The following ABCG5 variants were observed in gnomAD, a reference collection of about 807,000 sequenced individuals.
The protein encoded by ABCG5 is ATP binding cassette subfamily G member 5, also known as ATP-binding cassette sub-family G member 5.
ABCG5 carries 64 observed loss-of-function variants against 64.5 expected under a neutral mutation model. The observed-to-expected ratio is 0.99, with a 90% CI of 0.81 to 1.22. ABCG5 has a LOEUF of 1.22. ABCG5 is among the 50% of genes most tolerant of loss of function. ABCG5 has a pLI of 0.00. For missense variants in ABCG5, 908 were observed against 829.5 expected (o/e 1.09, Z -1.16); for synonymous variants, 385 against 326.3 (o/e 1.18, Z -1.94).
chr2:43,832,348 C>T (rs763940783), intron 2 of ABCG5: 9 of 578,258 alleles, frequency 1.6e-5, no homozygotes, highest in East Asian at 5.7e-5. Flanking sequence ...GGGTCAAGAC[C>T]GAACGTGCTT....
intron 10 of ABCG5, among the ~76,000 whole-genome samples, chr2:43,820,842 T>A (rs531838814): frequency 7.9e-5 from 12 of 152,192 alleles, no homozygotes; most frequent in African/African-American, 2.9e-4. Context: ...TTAGTAGAGA[T>A]GGGGTTTTGC....
At chr2:43,825,261 C>A (rs773160445) in intron 6 of ABCG5, among the ~76,000 whole-genome samples, 12 of 152,176 alleles carry the variant, frequency 7.9e-5, no homozygotes, top group Non-Finnish European at 1.3e-4. Context: ...GTGGGTCATG[C>A]TGCCTCCCAT....
At chr2:43,832,791 G>GGGAT (rs1206411437) in intron 2 of ABCG5, 1 of 153,404 alleles carries the variant, frequency 6.5e-6, no homozygotes, top group East Asian at 1.9e-4. Flanking sequence ...AGGTGACTGG[G>GGGAT]GGATGATGCT....
At chr2:43,809,346 C>A (rs548254685), downstream of ABCG5, among the ~76,000 whole-genome samples, 103 of 152,200 alleles carry the variant, frequency 6.8e-4, 4 homozygotes, top group South Asian at 0.021. Context: ...TTGATTAGAG[C>A]TGAACAGCAA....
chr2:43,826,465 T>C lies in ABCG5; in HGVS notation c.691A>G (p.Ile231Val). The C allele has an allele frequency of 6.2e-7, 1 of 1,614,044 alleles. No homozygotes were observed. Reference protein sequence around the residue: ...TGLDCMTANQIVVLLVELARR... With the variant: ...TGLDCMTANQVVVLLVELARR... ...GCCAGTTCCACCAGGAGGACGACAA[T>C]CTGATTAGCAGTCATGCAGTCCAGG... Residue 231 changes from isoleucine to valine, a missense_variant, in exon 6 of 13, where the codon ATT becomes GTT. Coordinates refer to ENST00000405322, the MANE Select transcript of ABCG5 (RefSeq NM_022436.3).
At chr2:43,814,752 C>A (rs1470647504) in intron 11 of ABCG5, among the ~76,000 whole-genome samples, 163 bp from the exon 12 acceptor site, 1 of 152,080 alleles carries the variant, frequency 6.6e-6, no homozygotes. Flanking sequence ...CAACATTGAA[C>A]AATATAAAGA....
In ABCG5 at chr2:43,838,479, G is replaced by A; in HGVS notation, c.143+58C>T. The A allele has an allele frequency of 6.7e-7, 1 of 1,501,512 alleles. No individual in the cohort carries two copies. The highest frequency in any genetic ancestry group is 9.1e-7 in the Non-Finnish European group (1 of 1,101,768). 93.0% of individuals were successfully genotyped at this position (1,501,512 alleles called of 1,614,324 possible). On this transcript the variant is annotated intron_variant, in intron 1 of 12. Transcript: ENST00000405322. The surrounding 1 kb of genome is among the most constrained non-coding windows in gnomAD (Gnocchi z 4.2). ...AAAGAGTGAAGAAAGGCAGCAGAGG[G>A]GTGAGCGCCGGGCCCCGCACTCCTG...
At chr2:43,824,745 C>T (rs936730901) in intron 7 of ABCG5, 144 bp downstream of exon 7, 23 of 1,445,098 alleles carry the variant, frequency 1.6e-5, no homozygotes, top group East Asian at 5.0e-5. Flanking sequence ...TTCATTGACC[C>T]GGCCAAATTG....
At chr2:43,826,954 A>G (rs1392157437) in intron 5 of ABCG5, among the ~76,000 whole-genome samples, 1 of 152,200 alleles carries the variant, frequency 6.6e-6, no homozygotes, top group Non-Finnish European at 1.5e-5. Flanking sequence ...AAAAAATCTG[A>G]CGAATAAAAC....
chr2:43,827,950 C>G, intron 5 of ABCG5, 33 bp downstream of exon 5: 1 of 1,612,996 alleles, frequency 6.2e-7, no homozygotes, highest in Non-Finnish European at 8.5e-7. Flanking sequence ...GATGCCCAGA[C>G]AGCAGCTAGT....
downstream of ABCG5, among the ~76,000 whole-genome samples, chr2:43,807,743 CAAAAAAAAAAAAA>C (rs536977133): frequency 5.8e-4 from 24 of 41,632 alleles, no homozygotes; most frequent in South Asian, 8.0e-3. Flanking sequence ...TTTGTTAAAG[CAAAAAAAAAAAAA>C]AAAAAAAAAA....
At chr2:43,822,485 C>CCT in intron 10 of ABCG5, 2 of 925,952 alleles carry the variant, frequency 2.2e-6, no homozygotes, top group Non-Finnish European at 2.6e-6. Context: ...CAGGCCCCCC[C>CCT]CCATGCACCT....
At chr2:43,815,219 T>A (rs1666740323) in intron 11 of ABCG5, among the ~76,000 whole-genome samples, 1 of 152,202 alleles carries the variant, frequency 6.6e-6, no homozygotes, top group South Asian at 2.1e-4. Context: ...TCCTCTCCAA[T>A]CTATTTCAGG....
In ABCG5 at chr2:43,824,242, G is replaced by A; in HGVS notation, c.1095C>T (p.Phe365=). 6.2e-7 allele frequency: 1 copy of A among 1,614,190 alleles called. No individual in the cohort carries two copies. Among genetic ancestry groups the A allele is most frequent in the Middle Eastern group, 1.6e-4 (1 of 6,062 alleles). ...PFKTKDSPGV[F]SKLGVLLRRV... is the part of the protein sequence containing the mutation. ...ACCTCAGGAGAACACCCAGTTTAGA[G>A]AAAACTCCAGGAGAATCTTTGGTTT... Residue 365 remains phenylalanine, a synonymous_variant, in exon 8 of 13, where the codon TTC becomes TTT. Transcript: ENST00000405322.
At chr2:43,823,250 T>G (rs1015694292) in intron 9 of ABCG5, among the ~76,000 whole-genome samples, 2 of 152,142 alleles carry the variant, frequency 1.3e-5, no homozygotes, top group Non-Finnish European at 2.9e-5. Context: ...AAGCACTTTG[T>G]CTTCTTTCTG....
chr2:43,838,484 G>A lies in ABCG5; in HGVS notation c.143+53C>T. The A allele has an allele frequency of 4.6e-6, 7 of 1,531,458 alleles. No individual in the cohort carries two copies. Among genetic ancestry groups the A allele is most frequent in the Non-Finnish European group, 6.2e-6 (7 of 1,128,004 alleles). The allele number at this position is 1,531,458 out of a possible 1,614,324, so 94.9% of individuals were successfully genotyped here. A position where few individuals can be genotyped will look rare whatever the true frequency, so the allele number is the denominator to read the frequency against. Reference sequence around the variant, plus strand: ...GTGAAGAAAGGCAGCAGAGGGGTGAGCGCCGGGCCCCGCACTCCTGGGGGA... The same window carrying A: ...GTGAAGAAAGGCAGCAGAGGGGTGAACGCCGGGCCCCGCACTCCTGGGGGA... On this transcript the variant is annotated intron_variant, in intron 1 of 12. Coordinates refer to ENST00000405322, the MANE Select transcript of ABCG5 (RefSeq NM_022436.3). This position sits in a 1 kb window ranked among gnomAD's most constrained non-coding sequence, Gnocchi z 4.2.
At chr2:43,837,677 G>T (rs1224207432) in intron 2 of ABCG5, among the ~76,000 whole-genome samples, 157 bp downstream of exon 2, 1 of 152,166 alleles carries the variant, frequency 6.6e-6, no homozygotes, top group Non-Finnish European at 1.5e-5. Context: ...TCTTTCTAAA[G>T]ATTTCACATT....
At chr2:43,839,068 G>C (rs200951677), upstream of ABCG5, 1 of 1,551,100 alleles carries the variant, frequency 6.4e-7, no homozygotes, top group Non-Finnish European at 8.7e-7. Context: ...CCGGGAAGGC[G>C]GCAGAGGAGA....
chr2:43,806,432 A>T, the ABCG5 span, among the ~76,000 whole-genome samples: 47 of 152,260 alleles, frequency 3.1e-4, no homozygotes, highest in African/African-American at 1.1e-3. Flanking sequence ...AGTAAGCAAA[A>T]CATTTTATGT....
Sources: allele counts gnomAD v4.1 joint callset (sites outside exome capture counted in the v4.1 genomes callset), GRCh38; gene constraint gnomAD v4.1.1; non-coding constraint Gnocchi (gnomAD v3.1); transcripts MANE v1.5; gene names NCBI Gene and HGNC (gene_info 2026-07-23, HGNC 2026-07-21).